The following ITGB3 variants were observed in gnomAD, a reference collection of about 807,000 sequenced individuals.
The protein encoded by ITGB3 is integrin beta-3.
A neutral mutation model predicts 85.8 loss-of-function variants in ITGB3; 48 were observed. The ratio of observed to expected loss-of-function variants is 0.56; its 90% CI spans 0.44 to 0.71. The LOEUF is 0.71. ITGB3 is among the 30% of genes least tolerant of loss of function. ITGB3 has a pLI of 0.00. For missense variants in ITGB3, 861 were observed against 1,019.1 expected (o/e 0.84, Z 2.11); for synonymous variants, 363 against 395.6 (o/e 0.92, Z 0.98).
chr17:47,293,841 C>T (rs1010905874), intron 10 of ITGB3, among the ~76,000 whole-genome samples: 1 of 152,110 alleles, frequency 6.6e-6, no homozygotes, highest in African/African-American at 2.4e-5. Context: ...CTCTTGACCT[C>T]GTGATCCTCC....
In ITGB3 at chr17:47,297,061, C is replaced by G. The variant is rs566196150; in HGVS notation, c.1691-2247C>G. Among the ~76,000 whole-genome samples the G allele has an allele frequency of 1.5e-4, 23 of 152,352 alleles. 1 individual carries two copies. The South Asian group carries it at 4.6e-3, about 30-fold the overall frequency. On this transcript the variant is annotated intron_variant, in intron 10 of 14. Coordinates refer to ENST00000559488, the MANE Select transcript of ITGB3 (RefSeq NM_000212.3). Reference sequence around the variant, plus strand: ...CTTTCTTACTACTTTGGTCTCTTTTCTTCCTCCACTGGTCAATTTGAAGAA... The same window carrying G: ...CTTTCTTACTACTTTGGTCTCTTTTGTTCCTCCACTGGTCAATTTGAAGAA...
chr17:47,291,231 C>A, intron 9 of ITGB3, 143 bp downstream of exon 9: 1 of 935,462 alleles, frequency 1.1e-6, no homozygotes, highest in Non-Finnish European at 1.7e-6. Flanking sequence ...GAAAGTCATT[C>A]TAAGTTAGAT....
At chr17:47,304,256 C>T (rs2065178729) in intron 13 of ITGB3, among the ~76,000 whole-genome samples, 1 of 152,242 alleles carries the variant, frequency 6.6e-6, no homozygotes, top group East Asian at 1.9e-4. Context: ...CTCCCAGCTC[C>T]AATCATTTCC....
At chr17:47,293,497 G>A (rs755738585) in intron 10 of ITGB3, among the ~76,000 whole-genome samples, 1 of 152,132 alleles carries the variant, frequency 6.6e-6, no homozygotes, top group East Asian at 1.9e-4. Flanking sequence ...TCCCTCTTGC[G>A]ACAGACACAA....
At chr17:47,296,180 G>C (rs2065145310) in intron 10 of ITGB3, among the ~76,000 whole-genome samples, 1 of 152,300 alleles carries the variant, frequency 6.6e-6, no homozygotes, top group African/African-American at 2.4e-5. Context: ...CCTTCTGGCA[G>C]CCCAACATCT....
intron 8 of ITGB3, 128 bp from the exon 9 acceptor site, chr17:47,290,826 G>A: frequency 9.4e-7 from 1 of 1,062,512 alleles, no homozygotes; most frequent in Non-Finnish European, 1.4e-6. Context: ...GTCAAACCTT[G>A]GCCTCTGGCA....
chr17:47,312,639 G>C lies in ITGB3; in HGVS notation c.*2435G>C, dbSNP rs906057430. On this transcript the variant is annotated 3_prime_UTR_variant, in exon 15 of 15. Transcript: ENST00000559488. The stretch of plus-strand genomic sequence containing the variant: ...AACTGTATCAAAGGGGGAAGAAAAT[G>C]TATTTAACAGGTGAATCAAATCAGG... Among the ~76,000 whole-genome samples the C allele has an allele frequency of 2.0e-5, 3 of 152,210 alleles. No homozygotes were observed. Among genetic ancestry groups the C allele is most frequent in the African/African-American group, 7.2e-5 (3 of 41,444 alleles).
rs142710918 is a variant in ITGB3 at position 47,299,013 on chromosome 17, A to G, written c.1691-295A>G. 8.0e-3 allele frequency among the ~76,000 whole-genome samples: 1,223 copies of G among 152,314 alleles called. 21 individuals are homozygous for G. Among genetic ancestry groups the G allele is most frequent in the African/African-American group, 0.028 (1,152 of 41,564 alleles). On this transcript the variant is annotated intron_variant, in intron 10 of 14. Coordinates refer to ENST00000559488, the MANE Select transcript of ITGB3 (RefSeq NM_000212.3). The surrounding 1 kb of genome is among the most constrained non-coding windows in gnomAD (Gnocchi z 5.1). The stretch of plus-strand genomic sequence containing the variant: ...TACCCTTTCTCTTGCCTTTCTCAGA[A>G]GGCAGAGGTATTCAGAAAAGGGCAA...
chr17:47,290,448 A>AGAAGGAAGGAAG lies in ITGB3; in HGVS notation c.1125+187_1125+198dup, dbSNP rs112290297. Among the ~76,000 whole-genome samples, 1,154 of 149,026 alleles carry AGAAGGAAGGAAG rather than the reference A, an allele frequency of 7.7e-3. 13 individuals are homozygous for AGAAGGAAGGAAG. Among genetic ancestry groups the AGAAGGAAGGAAG allele is most frequent in the South Asian group, 0.033 (151 of 4,626 alleles). On this transcript the variant is annotated intron_variant, in intron 8 of 14. Coordinates refer to ENST00000559488, the MANE Select transcript of ITGB3 (RefSeq NM_000212.3). ...GCTCTAGAAGGGATGCAGCCTTCTG[A>AGAAGGAAGGAAG]GAAGGAAGGAAGGAAGGAAGGAAGA...
At chr17:47,266,554 G>A (rs1275763185) in intron 1 of ITGB3, among the ~76,000 whole-genome samples, 6 of 152,090 alleles carry the variant, frequency 3.9e-5, no homozygotes, top group Non-Finnish European at 8.8e-5. Context: ...TTCTTGGCTG[G>A]TCTTGATTGG....
In ITGB3 at chr17:47,284,472, C is replaced by T. The variant is rs199866698; in HGVS notation, c.391C>T (p.Arg131Trp). Reference protein sequence around the residue: ...DDSKNFSIQVRQVEDYPVDIY... With the variant: ...DDSKNFSIQVWQVEDYPVDIY... ...TTCGAAGAATTTCTCCATCCAAGTG[C>T]GGCAGGTGGAGGATTACCCTGTGGA... The change falls in exon 4 of 15, where the codon CGG (arginine) becomes TGG (tryptophan). Residue 131 changes from arginine (R) to tryptophan (W), a missense_variant. Arg to Trp is a moderately radical substitution (Grantham distance 101). Coordinates refer to ENST00000559488, the MANE Select transcript of ITGB3 (RefSeq NM_000212.3). 2.9e-5 allele frequency: 47 copies of T among 1,613,942 alleles called. No individual in the cohort carries two copies. The East Asian group carries it at 6.0e-4, about 21-fold the overall frequency.
At chr17:47,295,369 AC>A (rs1373227076) in intron 10 of ITGB3, among the ~76,000 whole-genome samples, 1 of 151,748 alleles carries the variant, frequency 6.6e-6, no homozygotes, top group African/African-American at 2.4e-5. Context: ...GACCTTAAGC[AC>A]CCGTTCCTCC....
rs769937023 is a variant in ITGB3 at position 47,274,510 on chromosome 17, G to C, written c.165+6G>C. The C allele has an allele frequency of 1.9e-6, 3 of 1,612,990 alleles. No homozygotes were observed. The South Asian group carries it at 3.3e-5, about 18-fold the overall frequency. On this transcript the variant is annotated splice_donor_region_variant and intron_variant, in intron 2 of 14. Transcript: ENST00000559488. Reference sequence around the variant, plus strand: ...GTGCCTGGTGCTCTGATGAGGTAAGGAGCAGATACCAGACCTTGTTTCTTC... The same window carrying C: ...GTGCCTGGTGCTCTGATGAGGTAAGCAGCAGATACCAGACCTTGTTTCTTC...
chr17:47,274,524 C>A lies in ITGB3; in HGVS notation c.165+20C>A. The A allele has an allele frequency of 6.2e-7, 1 of 1,605,982 alleles. No individual in the cohort carries two copies. Among genetic ancestry groups the A allele is most frequent in the Non-Finnish European group, 8.5e-7 (1 of 1,173,084 alleles). On this transcript the variant is annotated intron_variant, in intron 2 of 14. Transcript: ENST00000559488. ...GATGAGGTAAGGAGCAGATACCAGACCTTGTTTCTTCTCCAGACTAAGCTG... is the reference window on the plus strand; with the variant it reads ...GATGAGGTAAGGAGCAGATACCAGAACTTGTTTCTTCTCCAGACTAAGCTG...
At chr17:47,279,596 C>T (rs1406233576) in intron 2 of ITGB3, 2 of 152,198 alleles carry the variant, frequency 1.3e-5, no homozygotes, top group African/African-American at 4.8e-5. Flanking sequence ...CACATCTTAG[C>T]GCTTCAAACC....
At chr17:47,309,017 CCCT>C (rs958060115) in intron 14 of ITGB3, among the ~76,000 whole-genome samples, 5 of 140,368 alleles carry the variant, frequency 3.6e-5, no homozygotes, top group Non-Finnish European at 7.7e-5. Flanking sequence ...TCCCTTCCTC[CCCT>C]CCTCTCCTTT....
In ITGB3 at chr17:47,292,515, A is replaced by G. The variant is rs1399201652; in HGVS notation, c.1637A>G (p.Tyr546Cys). Residue 546 changes from tyrosine to cysteine, a missense_variant, in exon 10 of 15, where the codon TAC becomes TGC. Coordinates refer to ENST00000559488, the MANE Select transcript of ITGB3 (RefSeq NM_000212.3). Reference protein sequence around the residue: ...SSDFGKITGKYCECDDFSCVR... With the variant: ...SSDFGKITGKCCECDDFSCVR... ...GACTTTGGCAAGATCACGGGCAAGT[A>G]CTGCGAGTGTGACGACTTCTCCTGT... 2.5e-6 allele frequency: 4 copies of G among 1,606,428 alleles called. No homozygotes were observed. Among genetic ancestry groups the G allele is most frequent in the Non-Finnish European group, 3.4e-6 (4 of 1,179,842 alleles).
rs1221963594 is a variant in ITGB3, at chr17:47,289,586, C to T, written c.940-95C>T. 3.3e-6 allele frequency: 3 copies of T among 899,768 alleles called. No homozygotes were observed. In the African/African-American group the frequency reaches 4.9e-5, roughly 15 times the overall value. The allele number at this position is 899,768 out of a possible 1,614,324, so 55.7% of individuals were successfully genotyped here. A position where few individuals can be genotyped will look rare whatever the true frequency, so the allele number is the denominator to read the frequency against. On this transcript the variant is annotated intron_variant, in intron 6 of 14. Coordinates refer to ENST00000559488, the MANE Select transcript of ITGB3 (RefSeq NM_000212.3). Reference sequence around the variant, plus strand: ...GTGAAATGGTTTAAGCACCACCACACTCTGAGCCACAGCCCAAGCAAGATA... The same window carrying T: ...GTGAAATGGTTTAAGCACCACCACATTCTGAGCCACAGCCCAAGCAAGATA...
chr17:47,256,376 T>C (rs564073361), intron 1 of ITGB3, among the ~76,000 whole-genome samples: 1 of 151,920 alleles, frequency 6.6e-6, no homozygotes, highest in South Asian at 2.1e-4. Context: ...CCAGAAGTGG[T>C]AATGGGTTGT....
Sources: gnomAD v4.1 joint callset for allele counts (sites outside exome capture counted in the v4.1 genomes callset) on GRCh38, gnomAD v4.1.1 for gene constraint, Gnocchi (gnomAD v3.1) non-coding constraint, MANE v1.5 for transcripts, NCBI Gene and HGNC (gene_info 2026-07-23, HGNC 2026-07-21) for gene names.